The following MCHR1 variants were observed in gnomAD, a reference collection of about 807,000 sequenced individuals.
MCHR1 encodes melanin concentrating hormone receptor 1.
A neutral mutation model predicts 20.4 loss-of-function variants in MCHR1; 13 were observed. That is an observed-to-expected ratio of 0.64 (90% CI 0.41 to 1.01). The LOEUF is 1.01. Ranked by LOEUF, MCHR1 falls within the 50% of genes least tolerant of loss-of-function variation. MCHR1 has a pLI of 0.00. For missense variants in MCHR1, 472 were observed against 477.0 expected, an observed-to-expected ratio of 0.99 and a Z score of 0.10; for synonymous variants, 215 against 204.4, an observed-to-expected ratio of 1.05 and a Z score of -0.44.
Position 40,681,387 on chromosome 22 carries a change from G to C in MCHR1, c.521G>C (p.Ser174Thr). 1 of 1,614,178 alleles carries C rather than the reference G, an allele frequency of 6.2e-7. No homozygotes were observed. Among genetic ancestry groups the C allele is most frequent in the Non-Finnish European group, 8.5e-7 (1 of 1,180,046 alleles). The part of the protein sequence containing the change: ...ICLLWALSFI[S>T]ITPVWLYARL... ...CTCCTGTGGGCCCTCTCCTTCATCA[G>C]CATCACCCCTGTGTGGCTGTATGCC... Residue 174 changes from serine to threonine, a missense_variant, in exon 2 of 2, where the codon AGC becomes ACC. Coordinates refer to ENST00000249016, the MANE Select transcript of MCHR1 (RefSeq NM_005297.4). This position sits in a 1 kb window ranked among gnomAD's most constrained non-coding sequence, Gnocchi z 4.3.
chr22:40,680,707 G>A (rs934395573), intron 1 of MCHR1: 3 of 975,610 alleles, frequency 3.1e-6, no homozygotes, highest in Non-Finnish European at 3.7e-6. Flanking sequence ...TCTGGTGCCT[G>A]CAGGAGGCAG....
chr22:40,681,599 C>G lies in MCHR1; in HGVS notation c.733C>G (p.Arg245Gly). Residue 245 changes from arginine (R) to glycine (G), a missense_variant, in exon 2 of 2, where the codon CGC becomes GGC. Physicochemically the swap from Arg to Gly is moderately radical, Grantham distance 125. Transcript: ENST00000249016. This position sits in a 1 kb window ranked among gnomAD's most constrained non-coding sequence, Gnocchi z 4.3. ...MTSSVAPASQ[R>G]SIRLRTKRVT... ...GTCCTCAGTGGCCCCCGCCTCCCAGCGCAGCATCCGGCTGCGGACAAAGAG... is the reference window on the plus strand; with the variant it reads ...GTCCTCAGTGGCCCCCGCCTCCCAGGGCAGCATCCGGCTGCGGACAAAGAG... 6.2e-7 allele frequency: 1 copy of G among 1,614,080 alleles called. No individual in the cohort carries two copies. Among genetic ancestry groups the G allele is most frequent in the Admixed American group, 1.7e-5 (1 of 60,036 alleles).
Position 40,681,734 on chromosome 22 carries a change from G to A in MCHR1, c.868G>A (p.Val290Ile), listed in dbSNP as rs761654149. 3.1e-6 allele frequency: 5 copies of A among 1,614,260 alleles called. No homozygotes were observed. In the South Asian group the frequency reaches 5.5e-5, roughly 18 times the overall value. ...CATCAGCCGCCCGACCCTCACCTTTGTCTACTTATACAATGCGGCCATCAG... is the reference window on the plus strand; with the variant it reads ...CATCAGCCGCCCGACCCTCACCTTTATCTACTTATACAATGCGGCCATCAG... ...LSISRPTLTF[V>I]YLYNAAISLG... Residue 290 changes from valine to isoleucine, a missense_variant, in exon 2 of 2, where the codon GTC becomes ATC. Transcript: ENST00000249016. This position sits in a 1 kb window ranked among gnomAD's most constrained non-coding sequence, Gnocchi z 4.3.
intron 1 of MCHR1, 77 bp from the exon 2 acceptor site, chr22:40,680,872 T>C (rs1602543585): frequency 3.1e-6 from 5 of 1,595,446 alleles, no homozygotes; most frequent in Non-Finnish European, 4.3e-6. Flanking sequence ...CGCTGGAGGC[T>C]GAGCATGCCA....
In MCHR1 at chr22:40,681,943, C is replaced by A; in HGVS notation, c.*15C>A. The A allele has an allele frequency of 6.2e-7, 1 of 1,601,832 alleles. No individual in the cohort carries two copies. The highest frequency in any genetic ancestry group is 2.2e-5 in the East Asian group (1 of 44,890). The stretch of plus-strand genomic sequence containing the variant: ...AAGGCACCTGATACTTCCCCTGCCA[C>A]CCTGCACACCTCCAAGTCAGGGCAC... On this transcript the variant is annotated 3_prime_UTR_variant, in exon 2 of 2. Coordinates refer to ENST00000249016, the MANE Select transcript of MCHR1 (RefSeq NM_005297.4). The surrounding 1 kb of genome is among the most constrained non-coding windows in gnomAD (Gnocchi z 4.3).
rs529454893 is a variant in MCHR1 at position 40,679,847 on chromosome 22, T to C, written c.82+113T>C. ...TATCACAGTTCTTGGGGACAAGATC[T>C]GTGGTCTGCTTTGCTCTGAGGGGCA... On this transcript the variant is annotated intron_variant, in intron 1 of 1. Coordinates refer to ENST00000249016, the MANE Select transcript of MCHR1 (RefSeq NM_005297.4). 484 of 1,243,986 alleles carry C rather than the reference T, an allele frequency of 3.9e-4. 1 individual carries two copies. In the African/African-American group the frequency reaches 6.3e-3, roughly 16 times the overall value. 77.1% of individuals were successfully genotyped at this position (1,243,986 alleles called of 1,614,324 possible).
rs1330901475 is a variant in MCHR1, at chr22:40,681,272, G to T, written c.406G>T (p.Ala136Ser). ...SQFTSTYILTAMAIDRYLATV... is the reference protein window; with the variant it reads ...SQFTSTYILTSMAIDRYLATV... ...GTTCACCAGCACCTACATCCTGACC[G>T]CCATGGCCATTGACCGCTACCTGGC... The change falls in exon 2 of 2, where the codon GCC (alanine) becomes TCC (serine). Residue 136 changes from alanine to serine, a missense_variant. Coordinates refer to ENST00000249016, the MANE Select transcript of MCHR1 (RefSeq NM_005297.4). This position sits in a 1 kb window ranked among gnomAD's most constrained non-coding sequence, Gnocchi z 4.3. 2.5e-6 allele frequency: 4 copies of T among 1,613,934 alleles called. No individual in the cohort carries two copies. Among genetic ancestry groups the T allele is most frequent in the Non-Finnish European group, 3.4e-6 (4 of 1,180,028 alleles).
Position 40,682,142 on chromosome 22 carries a change from G to T in MCHR1, c.*214G>T. Reference sequence around the variant, plus strand: ...GTTTTCAGATATCAGAAATCCCCTTGGGGGAGCAGGATGAGACCTTTGGAT... The same window carrying T: ...GTTTTCAGATATCAGAAATCCCCTTTGGGGAGCAGGATGAGACCTTTGGAT... On this transcript the variant is annotated 3_prime_UTR_variant, in exon 2 of 2. Coordinates refer to ENST00000249016, the MANE Select transcript of MCHR1 (RefSeq NM_005297.4). 1.6e-6 allele frequency: 1 copy of T among 622,890 alleles called. No homozygotes were observed. Among genetic ancestry groups the T allele is most frequent in the African/African-American group, 1.8e-5 (1 of 54,402 alleles). The allele number at this position is 622,890 out of a possible 1,614,324, so 38.6% of individuals were successfully genotyped here.
rs1468566390 is a variant in MCHR1, at chr22:40,681,406, G to C, written c.540G>C (p.Leu180=). 1 of 1,614,132 alleles carries C rather than the reference G, an allele frequency of 6.2e-7. No homozygotes were observed. The highest frequency in any genetic ancestry group is 1.1e-5 in the South Asian group (1 of 91,088). The change falls in exon 2 of 2, where the codon CTG becomes CTC. Residue 180 remains leucine (L), a synonymous_variant. Transcript: ENST00000249016. The surrounding 1 kb of genome is among the most constrained non-coding windows in gnomAD (Gnocchi z 4.3). The stretch of plus-strand genomic sequence containing the variant: ...TCATCAGCATCACCCCTGTGTGGCT[G>C]TATGCCAGACTCATCCCCTTCCCAG... The part of the protein sequence containing the change: ...LSFISITPVW[L]YARLIPFPGG...
At position 40,682,296 on chromosome 22, in the gene MCHR1, C is replaced by T. The variant is rs200961311; in HGVS notation, c.*368C>T. ...CTGACTGGGTTTGTTTAAAGTCAGGCAGGGCTGGAGTGAGCAGCCAGGGCC... is the reference window on the plus strand; with the variant it reads ...CTGACTGGGTTTGTTTAAAGTCAGGTAGGGCTGGAGTGAGCAGCCAGGGCC... On this transcript the variant is annotated 3_prime_UTR_variant, in exon 2 of 2. Coordinates refer to ENST00000249016, the MANE Select transcript of MCHR1 (RefSeq NM_005297.4). 2.1e-5 allele frequency: 7 copies of T among 326,660 alleles called. No homozygotes were observed. Among genetic ancestry groups the T allele is most frequent in the Admixed American group, 1.6e-4 (4 of 25,338 alleles). The allele number at this position is 326,660 out of a possible 1,614,324, so 20.2% of individuals were successfully genotyped here.
chr22:40,682,124 G>A lies in MCHR1; in HGVS notation c.*196G>A. The A allele has an allele frequency of 1.5e-6, 1 of 670,574 alleles. No homozygotes were observed. The highest frequency in any genetic ancestry group is 2.7e-5 in the Admixed American group (1 of 37,018). The allele number at this position is 670,574 out of a possible 1,614,324, so 41.5% of individuals were successfully genotyped here. A position where few individuals can be genotyped will look rare whatever the true frequency, so the allele number is the denominator to read the frequency against. Reference sequence around the variant, plus strand: ...CCTGGAGTCAGGTTTGGGGTTTTCAGATATCAGAAATCCCCTTGGGGGAGC... The same window carrying A: ...CCTGGAGTCAGGTTTGGGGTTTTCAAATATCAGAAATCCCCTTGGGGGAGC... On this transcript the variant is annotated 3_prime_UTR_variant, in exon 2 of 2. Coordinates refer to ENST00000249016, the MANE Select transcript of MCHR1 (RefSeq NM_005297.4).
chr22:40,679,954 AG>A (rs1026348854), intron 1 of MCHR1, among the ~76,000 whole-genome samples: 1 of 151,888 alleles, frequency 6.6e-6, no homozygotes. Flanking sequence ...ATGGCAAGGA[AG>A]GGGGGCCAGC....
Position 40,681,353 on chromosome 22 carries a change from G to C in MCHR1, c.487G>C (p.Val163Leu), listed in dbSNP as rs199574036. ...KFRKPSVATLVICLLWALSFI... is the reference protein window; with the variant it reads ...KFRKPSVATLLICLLWALSFI... ...CCGGAAGCCCTCTGTGGCCACCCTG[G>C]TGATCTGCCTCCTGTGGGCCCTCTC... The change falls in exon 2 of 2, where the codon GTG (valine) becomes CTG (leucine). Residue 163 changes from valine to leucine, a missense_variant. Val to Leu is a conservative substitution (Grantham distance 32, BLOSUM62 1). Transcript: ENST00000249016. This position sits in a 1 kb window ranked among gnomAD's most constrained non-coding sequence, Gnocchi z 4.3. 7.9e-5 allele frequency: 128 copies of C among 1,614,042 alleles called. No individual in the cohort carries two copies. Among genetic ancestry groups the C allele is most frequent in the Non-Finnish European group, 1.1e-4 (125 of 1,180,042 alleles).
chr22:40,682,246 T>C lies in MCHR1; in HGVS notation c.*318T>C. The stretch of plus-strand genomic sequence containing the variant: ...ATCTGTGAGCTCTCAAATGTCTTCT[T>C]CCCAAGGCAAGAGGTGGAAGGGTAC... On this transcript the variant is annotated 3_prime_UTR_variant, in exon 2 of 2. Coordinates refer to ENST00000249016, the MANE Select transcript of MCHR1 (RefSeq NM_005297.4). The C allele has an allele frequency of 2.5e-6, 1 of 400,936 alleles. No homozygotes were observed. Among genetic ancestry groups the C allele is most frequent in the South Asian group, 2.3e-5 (1 of 44,124 alleles). The allele number at this position is 400,936 out of a possible 1,614,324, so 24.8% of individuals were successfully genotyped here.
At position 40,680,962 on chromosome 22, in the gene MCHR1, C is replaced by A. The variant is rs979600517; in HGVS notation, c.96C>A (p.Arg32=). The part of the protein sequence containing the change: ...DNLTSAGSPP[R]TGSISYINII... ...TTCTGTCCCCAGGATCACCTCCTCG[C>A]ACGGGGAGCATCTCCTACATCAACA... Residue 32 remains arginine (R), a synonymous_variant, in exon 2 of 2, where the codon CGC becomes CGA. Coordinates refer to ENST00000249016, the MANE Select transcript of MCHR1 (RefSeq NM_005297.4). 7 of 1,614,082 alleles carry A rather than the reference C, an allele frequency of 4.3e-6. No individual in the cohort carries two copies. Among genetic ancestry groups the A allele is most frequent in the Admixed American group, 1.7e-5 (1 of 60,014 alleles).
chr22:40,680,560 T>C (rs1398667386), intron 1 of MCHR1, among the ~76,000 whole-genome samples: 1 of 142,322 alleles, frequency 7.0e-6, no homozygotes, highest in Non-Finnish European at 1.5e-5. Context: ...GGGCTACACA[T>C]AGGAAAAGCA....
rs148096136 is a variant in MCHR1 at position 40,679,649 on chromosome 22, C to T, written c.-4C>T. On this transcript the variant is annotated 5_prime_UTR_variant, in exon 1 of 2. Coordinates refer to ENST00000249016, the MANE Select transcript of MCHR1 (RefSeq NM_005297.4). ...TGTGGGAGCAGGCGACCGGCACTGG[C>T]TGGATGGACCTGGAAGCCTCGCTGC... 1.9e-6 allele frequency: 3 copies of T among 1,613,982 alleles called. No individual in the cohort carries two copies. In the African/African-American group the frequency reaches 4.0e-5, roughly 22 times the overall value.
rs201942191 is a variant in MCHR1, at chr22:40,680,961, G to A, written c.95G>A (p.Arg32His). The A allele has an allele frequency of 7.2e-5, 116 of 1,613,878 alleles. No individual in the cohort carries two copies. Among genetic ancestry groups the A allele is most frequent in the Non-Finnish European group, 8.7e-5 (103 of 1,180,042 alleles). The stretch of plus-strand genomic sequence containing the variant: ...CTTCTGTCCCCAGGATCACCTCCTC[G>A]CACGGGGAGCATCTCCTACATCAAC... ...DNLTSAGSPP[R>H]TGSISYINII... The change falls in exon 2 of 2, where the codon CGC becomes CAC. Residue 32 changes from arginine (R) to histidine (H), a missense_variant. By Grantham distance (29) the Arg-to-His change is conservative (BLOSUM62 0). Transcript: ENST00000249016.
rs141372948 is a variant in MCHR1 at position 40,679,589 on chromosome 22, G to A, written c.-64G>A. 2.8e-5 allele frequency: 45 copies of A among 1,613,694 alleles called. 1 individual carries two copies. The highest frequency in any genetic ancestry group is 1.9e-4 in the African/African-American group (14 of 74,914). On this transcript the variant is annotated 5_prime_UTR_variant, in exon 1 of 2. Coordinates refer to ENST00000249016, the MANE Select transcript of MCHR1 (RefSeq NM_005297.4). ...AAGGTGGCAGGCGCTGGAGGCTGCCGCAGCCTGCGTGGGTGGAGGGGAGCT... is the reference window on the plus strand; with the variant it reads ...AAGGTGGCAGGCGCTGGAGGCTGCCACAGCCTGCGTGGGTGGAGGGGAGCT...
Sources: allele counts gnomAD v4.1 joint callset (sites outside exome capture counted in the v4.1 genomes callset), GRCh38; gene constraint gnomAD v4.1.1; non-coding constraint Gnocchi (gnomAD v3.1); transcripts MANE v1.5; gene names NCBI Gene and HGNC (gene_info 2026-07-23, HGNC 2026-07-21).